The following DPP10 variants were observed in gnomAD, a reference collection of about 807,000 sequenced individuals.
DPP10 encodes the protein dipeptidyl peptidase like 10, also known as inactive dipeptidyl peptidase 10.
DPP10 carries 33 observed loss-of-function variants against 120.9 expected under a neutral mutation model. That is an observed-to-expected ratio of 0.27 (90% CI 0.21 to 0.37). The LOEUF is 0.37. DPP10 is among the 10% of genes least tolerant of loss of function. The pLI is 1.00. For synonymous variants in DPP10, 337 were observed against 326.1 expected, an observed-to-expected ratio of 1.03 and a Z score of -0.36; for missense variants, 816 against 942.8, an observed-to-expected ratio of 0.87 and a Z score of 1.76.
At chr2:115,451,658 T>TTAAGTTTA (rs2073116201) in intron 3 of DPP10, among the ~76,000 whole-genome samples, 4 of 152,104 alleles carry the variant, frequency 2.6e-5, no homozygotes. Context: ...TTTATGTCTT[T>TTAAGTTTA]TAAGAAGTAC....
intron 1 of DPP10, among the ~76,000 whole-genome samples, chr2:115,075,524 T>C (rs1459701670): frequency 6.6e-6 from 1 of 152,172 alleles, no homozygotes. Context: ...CTCATTAAGA[T>C]TTTATCAAAA....
At chr2:115,693,924 A>T (rs1360178082) in intron 7 of DPP10, among the ~76,000 whole-genome samples, 1 of 152,142 alleles carries the variant, frequency 6.6e-6, no homozygotes, top group African/African-American at 2.4e-5. Flanking sequence ...CTGGCCTATA[A>T]TAAGTATTTT....
chr2:115,304,199 C>A (rs1255774701), intron 1 of DPP10, among the ~76,000 whole-genome samples: 5 of 151,668 alleles, frequency 3.3e-5, no homozygotes, highest in Non-Finnish European at 7.4e-5. Context: ...AGAGGAGACC[C>A]CATTTTTTTT....
chr2:115,248,672 T>C (rs1159413177), intron 1 of DPP10, among the ~76,000 whole-genome samples: 1 of 152,150 alleles, frequency 6.6e-6, no homozygotes, highest in Non-Finnish European at 1.5e-5. Context: ...AGCAAACTGA[T>C]AATGGAAAGG....
At chr2:115,197,416 G>A (rs2055363611) in intron 1 of DPP10, among the ~76,000 whole-genome samples, 1 of 151,780 alleles carries the variant, frequency 6.6e-6, no homozygotes, top group African/African-American at 2.4e-5. Flanking sequence ...ATAGAAGTAG[G>A]CAAAGAGGAG....
chr2:114,942,796 T>G (rs1426340466), intron 1 of DPP10, among the ~76,000 whole-genome samples: 1 of 152,136 alleles, frequency 6.6e-6, no homozygotes, highest in Admixed American at 6.5e-5. Context: ...TTATGAGCAA[T>G]TACTTAGAAA....
intron 1 of DPP10, among the ~76,000 whole-genome samples, chr2:115,152,217 C>G (rs2051604031): frequency 6.6e-6 from 1 of 152,152 alleles, no homozygotes; most frequent in Admixed American, 6.5e-5. Flanking sequence ...GTCACAAATA[C>G]TTAACATTGC....
intron 1 of DPP10, among the ~76,000 whole-genome samples, chr2:114,775,234 G>A (rs558965599): frequency 1.3e-5 from 2 of 152,234 alleles, no homozygotes; most frequent in East Asian, 1.9e-4. Context: ...AATAGCTAAA[G>A]GTCATAAAGT....
chr2:115,270,190 A>G (rs1039616049), intron 1 of DPP10, among the ~76,000 whole-genome samples: 1 of 152,020 alleles, frequency 6.6e-6, no homozygotes, highest in African/African-American at 2.4e-5. Context: ...CTGCCAAGAT[A>G]GTCACTCTCT....
chr2:115,537,563 GTT>G (rs11392457), intron 5 of DPP10, among the ~76,000 whole-genome samples: 1 of 128,648 alleles, frequency 7.8e-6, no homozygotes, highest in African/African-American at 2.9e-5. Flanking sequence ...ACACATCACT[GTT>G]TTTTTTTTTT....
chr2:115,254,917 C>T (rs886646713), intron 1 of DPP10, among the ~76,000 whole-genome samples: 2 of 152,130 alleles, frequency 1.3e-5, no homozygotes, highest in East Asian at 3.9e-4. Context: ...CATGGGCTGG[C>T]GTTGTCTGTG....
At chr2:115,073,474 T>G (rs1707539657) in intron 1 of DPP10, among the ~76,000 whole-genome samples, 1 of 152,202 alleles carries the variant, frequency 6.6e-6, no homozygotes, top group Admixed American at 6.5e-5. Context: ...CAAACTTACC[T>G]AGCTCTAAGA....
chr2:115,199,564 A>G (rs989878510), intron 1 of DPP10, among the ~76,000 whole-genome samples: 3 of 152,198 alleles, frequency 2.0e-5, no homozygotes, highest in African/African-American at 7.2e-5. Context: ...TTTTGACCGC[A>G]AAGAACAATG....
At chr2:115,818,541 G>A (rs1040436059) in intron 21 of DPP10, among the ~76,000 whole-genome samples, 10 of 152,198 alleles carry the variant, frequency 6.6e-5, no homozygotes, top group Non-Finnish European at 5.9e-5. Context: ...GGCAACATGA[G>A]CTGAGTGGTG....
chr2:115,367,021 T>C (rs1172016676), intron 3 of DPP10, among the ~76,000 whole-genome samples: 1 of 151,978 alleles, frequency 6.6e-6, no homozygotes, highest in African/African-American at 2.4e-5. Flanking sequence ...TACGAAGATA[T>C]TTTCTGCAAT....
At chr2:115,079,966 T>C (rs1708132655) in intron 1 of DPP10, among the ~76,000 whole-genome samples, 1 of 152,208 alleles carries the variant, frequency 6.6e-6, no homozygotes, top group South Asian at 2.1e-4. Flanking sequence ...TTACCTGGGA[T>C]TGACCATAGA....
intron 1 of DPP10, among the ~76,000 whole-genome samples, chr2:114,980,952 A>T (rs912872761): frequency 6.6e-6 from 1 of 151,852 alleles, no homozygotes; most frequent in African/African-American, 2.4e-5. Context: ...AAAGAAAAAA[A>T]TTTAAATTAA....
chr2:115,697,538 A>G (rs1484224726), intron 7 of DPP10, among the ~76,000 whole-genome samples: 1 of 151,878 alleles, frequency 6.6e-6, no homozygotes, highest in Non-Finnish European at 1.5e-5. Context: ...CTAATAACAG[A>G]CCATCAAAAT....
intron 5 of DPP10, among the ~76,000 whole-genome samples, chr2:115,591,228 G>T (rs1364984801): frequency 6.6e-6 from 1 of 152,118 alleles, no homozygotes; most frequent in African/African-American, 2.4e-5. Flanking sequence ...TGAAGTCCTT[G>T]CCTATGCCTA....
Sources: gnomAD v4.1 joint callset for allele counts (sites outside exome capture counted in the v4.1 genomes callset) on GRCh38, gnomAD v4.1.1 for gene constraint, MANE v1.5 for transcripts, NCBI Gene and HGNC (gene_info 2026-07-23, HGNC 2026-07-21) for gene names.